FAT2: variants seen among roughly 807,000 people sequenced by gnomAD.
The protein encoded by FAT2 is FAT atypical cadherin 2, also known as protocadherin Fat 2.
Under a neutral mutation model 295.3 loss-of-function variants are expected in FAT2, and 150 were observed. The observed-to-expected ratio is 0.51, with a 90% confidence interval of 0.44 to 0.58. The LOEUF (loss-of-function observed/expected upper bound fraction) is 0.58. Among genes scored for constraint, FAT2 ranks in the 20% least tolerant of loss-of-function variants. The probability of loss-of-function intolerance (pLI) is 0.00; values close to 1 mark genes in which losing one functional copy is unlikely to be tolerated. For missense variants in FAT2, 4,868 were observed against 5,442.7 expected (o/e 0.89, Z 3.32); for synonymous variants, 2,026 against 2,150.3 (o/e 0.94, Z 1.60).
chr5:151,548,070 C>A (rs926413505), intron 9 of FAT2, among the ~76,000 whole-genome samples: 2 of 152,140 alleles, frequency 1.3e-5, no homozygotes, highest in African/African-American at 4.8e-5. Context: ...AAAAAGCAAG[C>A]AATGCATTAT....
At chr5:151,514,032 T>C (rs6873947) in intron 20 of FAT2, among the ~76,000 whole-genome samples, 11,486 of 152,270 alleles carry the variant, frequency 0.075, 597 homozygotes, top group African/African-American at 0.15. Flanking sequence ...AATACTTTTC[T>C]GGTCACTTTG....
At chr5:151,582,143 G>C (rs1402746635) in intron 1 of FAT2, among the ~76,000 whole-genome samples, 1 of 152,206 alleles carries the variant, frequency 6.6e-6, no homozygotes, top group Admixed American at 6.5e-5. Context: ...CAAGGCACGA[G>C]AGAGGTCAGA....
chr5:151,518,377 T>TATTATTATTA (rs1554124056), intron 19 of FAT2, among the ~76,000 whole-genome samples: 1 of 128,456 alleles, frequency 7.8e-6, no homozygotes, highest in African/African-American at 4.4e-5. Flanking sequence ...TAATAATAAT[T>TATTATTATTA]TTTAAAAGAA....
At position 151,568,601 on chromosome 5, in the gene FAT2, CCT is replaced by C. The variant is rs1561879093; in HGVS notation, c.329_330del (p.Glu110GlyfsTer33). On this transcript the variant is annotated frameshift_variant, in exon 2 of 24. Coordinates refer to ENST00000261800, the MANE Select transcript of FAT2 (RefSeq NM_001447.3). LOFTEE classifies it high-confidence loss of function. ...ATGATGAGGGTGTAGCTGTCTCGCA[CCT>C]CTCTGTTCAGAAGAGCTGTGTTGCT... ...KSSNTALLNR[E>X]VRDSYTLIIQ... is the part of the protein sequence containing the mutation. 6.2e-7 allele frequency: 1 copy of C among 1,614,032 alleles called. No individual in the cohort carries two copies. The highest frequency in any genetic ancestry group is 2.2e-5 in the East Asian group (1 of 44,886).
rs756953964 is a variant in FAT2, at chr5:151,544,209, G to A, written c.6918C>T (p.Asp2306=). The stretch of plus-strand genomic sequence containing the variant: ...CATCCTCCACAATCTGATAAGAGAC[G>A]TCACGGTTCCGCCCTGAGTCCTGGT... ...ASDQDSGRNR[D]VSYQIVEDGS... Residue 2306 remains aspartate, a synonymous_variant, in exon 10 of 24, where the codon GAC becomes GAT. Coordinates refer to ENST00000261800, the MANE Select transcript of FAT2 (RefSeq NM_001447.3). The A allele has an allele frequency of 2.0e-5, 32 of 1,614,174 alleles. No homozygotes were observed. The highest frequency in any genetic ancestry group is 3.3e-5 in the Admixed American group (2 of 60,022).
At position 151,517,778 on chromosome 5, in the gene FAT2, C is replaced by G. The variant is rs1753014214; in HGVS notation, c.11318-13G>C. 1 of 1,613,826 alleles carries G rather than the reference C, an allele frequency of 6.2e-7. No homozygotes were observed. Among genetic ancestry groups the G allele is most frequent in the Non-Finnish European group, 8.5e-7 (1 of 1,179,758 alleles). The stretch of plus-strand genomic sequence containing the variant: ...CTTGTAGCAGTACCTGAGAAAGCAA[C>G]CAAAGCTGTCACCTCTACTTGAAGT... On this transcript the variant is annotated splice_polypyrimidine_tract_variant and intron_variant, in intron 19 of 23. Transcript: ENST00000261800.
intron 3 of FAT2, among the ~76,000 whole-genome samples, chr5:151,556,951 G>T (rs2127635511): frequency 6.6e-6 from 1 of 152,304 alleles, no homozygotes; most frequent in Middle Eastern, 3.4e-3. Flanking sequence ...CAAGGGGGAA[G>T]TGAGGAGCTG....
intron 22 of FAT2, among the ~76,000 whole-genome samples, chr5:151,508,547 T>C (rs1561810465): frequency 6.6e-6 from 1 of 152,146 alleles, no homozygotes. Context: ...CCGTATCTAC[T>C]AAAAATACAA....
chr5:151,528,133 C>A lies in FAT2; in HGVS notation c.10027G>T (p.Val3343Leu), dbSNP rs200279292. ...GGTCCATCTTCATCAGTCGCTGATACCTGCGGTGGGGTAGGGGGATTGTGA... is the reference window on the plus strand; with the variant it reads ...GGTCCATCTTCATCAGTCGCTGATAACTGCGGTGGGGTAGGGGGATTGTGA... ...NALVGDVILT[V>L]SATDEDGPLN... The change falls in exon 16 of 24, where the codon GTA becomes TTA. Residue 3343 changes from valine to leucine, a missense_variant and splice_region_variant. Physicochemically the swap from Val to Leu is conservative, Grantham distance 32 (BLOSUM62 1). Around this residue, in one of 5 missense-constraint regions of FAT2, gnomAD observed 1,046 missense variants for 1,210.1 expected, o/e 0.86. Transcript: ENST00000261800. 1.8e-4 allele frequency: 285 copies of A among 1,613,678 alleles called. No homozygotes were observed. The highest frequency in any genetic ancestry group is 2.4e-4 in the Non-Finnish European group (278 of 1,179,840).
chr5:151,533,772 C>T (rs1024961629), intron 13 of FAT2, among the ~76,000 whole-genome samples: 13 of 151,412 alleles, frequency 8.6e-5, no homozygotes, highest in Non-Finnish European at 1.5e-4. Flanking sequence ...ATATATATCA[C>T]ATTAATGAGT....
intron 12 of FAT2, among the ~76,000 whole-genome samples, chr5:151,534,980 T>C (rs1280178759): frequency 7.1e-6 from 1 of 139,918 alleles, no homozygotes; most frequent in African/African-American, 2.6e-5. Context: ...AATATATATA[T>C]ATATATATAT....
rs1311377654 is a variant in FAT2 at position 151,505,514 on chromosome 5, AG to A, written c.*50del. 1 of 1,603,198 alleles carries A rather than the reference AG, an allele frequency of 6.2e-7. No homozygotes were observed. Among genetic ancestry groups the A allele is most frequent in the Non-Finnish European group, 8.5e-7 (1 of 1,175,122 alleles). ...ACCCCCTACGAGACAGGAAGAAATAAGCCAAGTCCAGTCCTTGGCCTCCCGC... is the reference window on the plus strand; with the variant it reads ...ACCCCCTACGAGACAGGAAGAAATAACCAAGTCCAGTCCTTGGCCTCCCGC... On this transcript the variant is annotated 3_prime_UTR_variant, in exon 24 of 24. Transcript: ENST00000261800.
Position 151,556,339 on chromosome 5 carries a change from C to A in FAT2, c.3633+5G>T. 7 of 1,613,418 alleles carry A rather than the reference C, an allele frequency of 4.3e-6. No homozygotes were observed. The highest frequency in any genetic ancestry group is 5.9e-6 in the Non-Finnish European group (7 of 1,179,336). On this transcript the variant is annotated splice_donor_5th_base_variant and intron_variant, in intron 4 of 23. Coordinates refer to ENST00000261800, the MANE Select transcript of FAT2 (RefSeq NM_001447.3). ...ACCACAAATGGATTCACCACCATTACTTACCTCCAGGATGTGTTCATCCTT... is the reference window on the plus strand; with the variant it reads ...ACCACAAATGGATTCACCACCATTAATTACCTCCAGGATGTGTTCATCCTT...
chr5:151,554,735 A>ACCCACC lies in FAT2; in HGVS notation c.3634-63_3634-62insGGTGGG. The ACCCACC allele has an allele frequency of 1.7e-5, 22 of 1,264,130 alleles. No homozygotes were observed. In the African/African-American group the frequency reaches 2.8e-4, roughly 16 times the overall value. 78.3% of individuals were successfully genotyped at this position (1,264,130 alleles called of 1,614,324 possible). On this transcript the variant is annotated intron_variant, in intron 4 of 23. Transcript: ENST00000261800. The stretch of plus-strand genomic sequence containing the variant: ...AATTGCAAATTAGTGACTATGCTTT[A>ACCCACC]ACAACCTGGAAATAGTAGTCACTTT...
At chr5:151,575,685 A>C (rs1758718002) in intron 1 of FAT2, among the ~76,000 whole-genome samples, 1 of 152,232 alleles carries the variant, frequency 6.6e-6, no homozygotes, top group Non-Finnish European at 1.5e-5. Flanking sequence ...TCACTCGTCT[A>C]GTAGGTGATG....
In FAT2 at chr5:151,507,327, T is replaced by C. The variant is rs1358920718; in HGVS notation, c.12344A>G (p.Asn4115Ser). The C allele has an allele frequency of 3.7e-6, 6 of 1,614,072 alleles. No homozygotes were observed. The African/African-American group carries it at 6.7e-5, about 18-fold the overall frequency. ...AGAGGCCTTGCTGGGTTCCGGTTGG[T>C]TGAGGTTGTTGCAGGAGCTGGCACT... Reference protein sequence around the residue: ...PLSASSCNNLNQPEPSKASVP... With the variant: ...PLSASSCNNLSQPEPSKASVP... Residue 4115 changes from asparagine to serine, a missense_variant, in exon 23 of 24, where the codon AAC becomes AGC. Physicochemically the swap from Asn to Ser is conservative, Grantham distance 46. Coordinates refer to ENST00000261800, the MANE Select transcript of FAT2 (RefSeq NM_001447.3).
Position 151,531,789 on chromosome 5 carries a change from G to C in FAT2, c.9609C>G (p.Thr3203=), listed in dbSNP as rs766926448. 2 of 1,612,870 alleles carry C rather than the reference G, an allele frequency of 1.2e-6. No homozygotes were observed. The highest frequency in any genetic ancestry group is 2.2e-5 in the South Asian group (2 of 91,082). Residue 3203 remains threonine (T), a synonymous_variant, in exon 14 of 24, where the codon ACC becomes ACG. Coordinates refer to ENST00000261800, the MANE Select transcript of FAT2 (RefSeq NM_001447.3). This position sits in a 1 kb window ranked among gnomAD's most constrained non-coding sequence, Gnocchi z 5.7. The part of the protein sequence containing the change: ...GTPIPLSTLG[T]VTVSVVGLED... ...CTAGGCCCACCACCGAGACTGTGAC[G>C]GTGCCCAGCGTGGACAGCGGTATTG...
At chr5:151,523,214 A>G (rs1276920383) in intron 18 of FAT2, among the ~76,000 whole-genome samples, 1 of 152,222 alleles carries the variant, frequency 6.6e-6, no homozygotes, top group African/African-American at 2.4e-5. Context: ...AACAATAATA[A>G]TTAACACTAC....
intron 21 of FAT2, chr5:151,511,755 CAA>C (rs1761341561): frequency 5.6e-6 from 1 of 179,832 alleles, no homozygotes; most frequent in African/African-American, 2.4e-5. Context: ...ATATGAAAAA[CAA>C]CATGTATTTT....
Sources: allele counts gnomAD v4.1 joint callset (sites outside exome capture counted in the v4.1 genomes callset), GRCh38; gene constraint gnomAD v4.1.1; regional missense constraint gnomAD v4.1.1; non-coding constraint Gnocchi (gnomAD v3.1); transcripts MANE v1.5; gene names NCBI Gene and HGNC (gene_info 2026-07-23, HGNC 2026-07-21).